The following AGAP1 variants were observed in gnomAD, a reference collection of about 807,000 sequenced individuals.
AGAP1 encodes arf-GAP with GTPase, ANK repeat and PH domain-containing protein 1.
A neutral mutation model predicts 105.3 loss-of-function variants in AGAP1; 29 were observed. That is an observed-to-expected ratio of 0.28 (90% CI 0.21 to 0.38). The LOEUF is 0.38. Ranked by LOEUF, AGAP1 falls within the 10% of genes least tolerant of loss-of-function variation. The pLI is 1.00. For missense variants in AGAP1, 998 were observed against 1,165.1 expected (o/e 0.86, Z 2.09); for synonymous variants, 509 against 485.9 (o/e 1.05, Z -0.63).
intron 1 of AGAP1, among the ~76,000 whole-genome samples, chr2:235,562,691 A>G (rs532373945): frequency 9.2e-5 from 14 of 152,320 alleles, no homozygotes; most frequent in Non-Finnish European, 2.9e-5. Context: ...GCTCTGGTTC[A>G]GTCCTGGCTC....
chr2:236,081,086 C>T (rs1221200703), intron 16 of AGAP1, among the ~76,000 whole-genome samples: 1 of 152,196 alleles, frequency 6.6e-6, no homozygotes, highest in Non-Finnish European at 1.5e-5. Flanking sequence ...TGTCATCAAA[C>T]CCCCATGACA....
intron 1 of AGAP1, among the ~76,000 whole-genome samples, chr2:235,693,354 G>A (rs937882794): frequency 4.6e-5 from 7 of 152,244 alleles, no homozygotes; most frequent in African/African-American, 1.7e-4. Context: ...ACCAGTCTAT[G>A]ATTGGACGTG....
intron 12 of AGAP1, among the ~76,000 whole-genome samples, chr2:235,939,899 G>A (rs1194059067): frequency 6.6e-6 from 1 of 152,038 alleles, no homozygotes; most frequent in East Asian, 1.9e-4. Context: ...CTTGAAATAG[G>A]CCTGACCATT....
At position 235,611,770 on chromosome 2, in the gene AGAP1, A is replaced by G. The variant is rs892657141; in HGVS notation, c.164-97409A>G. Among the ~76,000 whole-genome samples the G allele has an allele frequency of 4.6e-5, 7 of 152,244 alleles. No individual in the cohort carries two copies. The highest frequency in any genetic ancestry group is 2.1e-4 in the South Asian group (1 of 4,826). On this transcript the variant is annotated intron_variant, in intron 1 of 17. Transcript: ENST00000304032. The surrounding 1 kb of genome is among the most constrained non-coding windows in gnomAD (Gnocchi z 5.0). ...TCATTTCTTTAAAGAGCATTCATCA[A>G]TGATATTAATGATTTTCATTTCCTA...
chr2:235,911,229 T>A (rs6750562), intron 11 of AGAP1, among the ~76,000 whole-genome samples: 119,484 of 152,100 alleles, frequency 0.79, 47,022 homozygotes, highest in East Asian at 0.98. Context: ...TGTGCCTGAG[T>A]CACAGTTCCC....
chr2:235,634,974 C>G lies in AGAP1; in HGVS notation c.164-74205C>G, dbSNP rs78675109. On this transcript the variant is annotated intron_variant, in intron 1 of 17. Coordinates refer to ENST00000304032, the MANE Select transcript of AGAP1 (RefSeq NM_001037131.3). ...ACCTCCTCACCCTCAGCCTCCCCCCCGCTGTAGACAGTGGCCAACCGTGTG... is the reference window on the plus strand; with the variant it reads ...ACCTCCTCACCCTCAGCCTCCCCCCGGCTGTAGACAGTGGCCAACCGTGTG... 9.6e-3 allele frequency among the ~76,000 whole-genome samples: 1,461 copies of G among 152,082 alleles called. 24 individuals are homozygous for G. Among genetic ancestry groups the G allele is most frequent in the African/African-American group, 0.027 (1,101 of 41,460 alleles).
In AGAP1 at chr2:235,867,465, A is replaced by G. The variant is rs1431415603; in HGVS notation, c.1051-15880A>G. Among the ~76,000 whole-genome samples, 1 of 151,958 alleles carries G rather than the reference A, an allele frequency of 6.6e-6. No individual in the cohort carries two copies. Among genetic ancestry groups the G allele is most frequent in the Non-Finnish European group, 1.5e-5 (1 of 68,000 alleles). The stretch of plus-strand genomic sequence containing the variant: ...GCTAATAGTCTGGATGAGGGTGCAC[A>G]GGCTGTGAGAGTTCCTGTTAGGCGG... On this transcript the variant is annotated intron_variant, in intron 9 of 17. Coordinates refer to ENST00000304032, the MANE Select transcript of AGAP1 (RefSeq NM_001037131.3). This position sits in a 1 kb window ranked among gnomAD's most constrained non-coding sequence, Gnocchi z 5.4.
chr2:235,946,246 T>TCC (rs1390721146), intron 12 of AGAP1, among the ~76,000 whole-genome samples: 2 of 151,868 alleles, frequency 1.3e-5, no homozygotes, highest in Non-Finnish European at 2.9e-5. Context: ...ATGTGTTTAT[T>TCC]CCCCCAAAGT....
Position 235,930,839 on chromosome 2 carries a change from GGCA to G in AGAP1, c.1400_1402del (p.Gly467_Met468delinsVal). ...GGTCTCCTTCAACAGCCGACCCGACGGCATGCACCAGCGCTCCTACTCAGTCTC... is the reference window on the plus strand; with the variant it reads ...GGTCTCCTTCAACAGCCGACCCGACGTGCACCAGCGCTCCTACTCAGTCTC... On this transcript the variant is annotated inframe_deletion, in exon 12 of 18. Transcript: ENST00000304032. The surrounding 1 kb of genome is among the most constrained non-coding windows in gnomAD (Gnocchi z 7.9). The G allele has an allele frequency of 6.2e-7, 1 of 1,614,110 alleles. No homozygotes were observed. The highest frequency in any genetic ancestry group is 8.5e-7 in the Non-Finnish European group (1 of 1,180,014).
At chr2:235,677,711 T>C (rs1948818545) in intron 1 of AGAP1, among the ~76,000 whole-genome samples, 1 of 151,650 alleles carries the variant, frequency 6.6e-6, no homozygotes, top group Admixed American at 6.6e-5. Context: ...TGCGAGGGTT[T>C]CTTTGAGCCG....
chr2:235,759,391 G>A (rs79844625), intron 6 of AGAP1, among the ~76,000 whole-genome samples: 30,960 of 150,554 alleles, frequency 0.21, 3,617 homozygotes, highest in East Asian at 0.48. Context: ...GGATGGTCTT[G>A]ATCTCCTGAC....
Position 235,714,373 on chromosome 2 carries a change from CACAA to C in AGAP1, c.223-3180_223-3177del, listed in dbSNP as rs557516796. ...GGAGTGTGGGGGTAGGACGGGGAAG[CACAA>C]ACATTCCTACCATATAGTTGAAGGC... On this transcript the variant is annotated intron_variant, in intron 2 of 17. Transcript: ENST00000304032. This position sits in a 1 kb window ranked among gnomAD's most constrained non-coding sequence, Gnocchi z 4.1. 8.5e-4 allele frequency among the ~76,000 whole-genome samples: 129 copies of C among 152,024 alleles called. 1 individual carries two copies. The highest frequency in any genetic ancestry group is 3.1e-3 in the African/African-American group (127 of 41,458).
At chr2:236,019,207 C>T (rs905414566) in intron 13 of AGAP1, among the ~76,000 whole-genome samples, 16 of 152,154 alleles carry the variant, frequency 1.1e-4, no homozygotes, top group Non-Finnish European at 2.1e-4. Context: ...TCCTTGTTCC[C>T]GACTCTCAGG....
In AGAP1 at chr2:235,864,304, G is replaced by T. The variant is rs186430738; in HGVS notation, c.1051-19041G>T. 4.6e-5 allele frequency among the ~76,000 whole-genome samples: 7 copies of T among 152,312 alleles called. No homozygotes were observed. Among genetic ancestry groups the T allele is most frequent in the African/African-American group, 1.7e-4 (7 of 41,562 alleles). The stretch of plus-strand genomic sequence containing the variant: ...ATGCCCCCATCATGTGAAGGGGTTC[G>T]GCTCACTCTGTGGCCGGCCTGGAGG... On this transcript the variant is annotated intron_variant, in intron 9 of 17. Transcript: ENST00000304032. The surrounding 1 kb of genome is among the most constrained non-coding windows in gnomAD (Gnocchi z 5.0).
intron 13 of AGAP1, among the ~76,000 whole-genome samples, chr2:236,010,918 G>A (rs1020025897): frequency 3.3e-5 from 5 of 152,112 alleles, no homozygotes; most frequent in Non-Finnish European, 1.5e-5. Flanking sequence ...GTGGTGGCGG[G>A]CACTCGTGGT....
At chr2:235,704,306 A>C (rs193199571) in intron 1 of AGAP1, among the ~76,000 whole-genome samples, 1 of 152,366 alleles carries the variant, frequency 6.6e-6, no homozygotes, top group Non-Finnish European at 1.5e-5. Flanking sequence ...AAAATTGAAG[A>C]TGAAGAGTAA....
At chr2:235,860,326 A>C (rs567773857) in intron 9 of AGAP1, among the ~76,000 whole-genome samples, 109 of 152,236 alleles carry the variant, frequency 7.2e-4, no homozygotes, top group African/African-American at 2.5e-3. Context: ...ATTTCCTTTA[A>C]CTGTTCTAAC....
chr2:235,670,813 G>A (rs1318912840), intron 1 of AGAP1: 4 of 1,430,644 alleles, frequency 2.8e-6, no homozygotes, highest in African/African-American at 1.5e-5. Flanking sequence ...AGAACCGCAC[G>A]CTGGACAACA....
chr2:235,748,372 C>T (rs956697811), intron 5 of AGAP1, among the ~76,000 whole-genome samples: 7 of 152,238 alleles, frequency 4.6e-5, no homozygotes, highest in African/African-American at 1.7e-4. Flanking sequence ...AGCATTGAAA[C>T]ATCATGGACT....
Sources: allele counts gnomAD v4.1 joint callset (sites outside exome capture counted in the v4.1 genomes callset), GRCh38; gene constraint gnomAD v4.1.1; non-coding constraint Gnocchi (gnomAD v3.1); transcripts MANE v1.5; gene names NCBI Gene and HGNC (gene_info 2026-07-23, HGNC 2026-07-21).